Variants in RNF24 observed in about 807,000 individuals in gnomAD.
RNF24 encodes ring finger protein 24.
In RNF24, 14 loss-of-function variants were observed where a neutral mutation model predicts 20.0. The observed-to-expected ratio is 0.70, with a 90% CI of 0.46 to 1.10. The LOEUF (loss-of-function observed/expected upper bound fraction) is 1.10, where lower values mean the gene tolerates loss of function less well. RNF24 is among the 50% of genes least tolerant of loss of function. The probability of loss-of-function intolerance (pLI) is 0.00; values close to 1 mark genes in which losing one functional copy is unlikely to be tolerated. For synonymous variants in RNF24, 45 were observed against 61.1 expected (o/e 0.74, Z 1.23); for missense variants, 124 against 177.6 (o/e 0.70, Z 1.71).
At chr20:3,954,172 G>GCTA (rs1169716682) in intron 2 of RNF24, among the ~76,000 whole-genome samples, 1 of 152,120 alleles carries the variant, frequency 6.6e-6, no homozygotes, top group Non-Finnish European at 1.5e-5. Context: ...CCATCTACCA[G>GCTA]CTATCTCTAG....
chr20:3,949,651 T>G lies in RNF24; in HGVS notation c.144-1372A>C, dbSNP rs529672882. Among the ~76,000 whole-genome samples the G allele has an allele frequency of 1.9e-3, 285 of 152,242 alleles. 2 individuals are homozygous for G. Among genetic ancestry groups the G allele is most frequent in the African/African-American group, 6.6e-3 (273 of 41,544 alleles). On this transcript the variant is annotated intron_variant, in intron 2 of 5. Transcript: ENST00000358395. ...GTGAGCTGGGATTGTGCCACTGTAC[T>G]CCAGCCTGGGTGACGGAGTGAGATC...
intron 1 of RNF24, among the ~76,000 whole-genome samples, chr20:3,990,713 T>C (rs1054096435): frequency 1.3e-5 from 2 of 151,908 alleles, no homozygotes; most frequent in African/African-American, 4.8e-5. Flanking sequence ...CACACACATA[T>C]ATATATTTTT....
chr20:3,934,055 G>C lies in RNF24; in HGVS notation c.*8C>G, dbSNP rs771379368. On this transcript the variant is annotated 3_prime_UTR_variant, in exon 6 of 6. Transcript: ENST00000358395. This position sits in a 1 kb window ranked among gnomAD's most constrained non-coding sequence, Gnocchi z 4.0. ...CGTGTCCAGCAACAGTCTGATCCTTGCGGTAAGCTATACAATGTTCTCTGC... is the reference window on the plus strand; with the variant it reads ...CGTGTCCAGCAACAGTCTGATCCTTCCGGTAAGCTATACAATGTTCTCTGC... 1.4e-6 allele frequency: 2 copies of C among 1,455,138 alleles called. No homozygotes were observed. Among genetic ancestry groups the C allele is most frequent in the Non-Finnish European group, 1.8e-6 (2 of 1,101,846 alleles). The allele number at this position is 1,455,138 out of a possible 1,614,324, so 90.1% of individuals were successfully genotyped here. A position where few individuals can be genotyped will look rare whatever the true frequency, so the allele number is the denominator to read the frequency against.
intron 1 of RNF24, among the ~76,000 whole-genome samples, chr20:4,002,244 G>A (rs544119810): frequency 3.3e-5 from 5 of 152,192 alleles, no homozygotes; most frequent in East Asian, 3.9e-4. Context: ...AAATTAGCCC[G>A]GCGTGGTGGT....
intron 1 of RNF24, among the ~76,000 whole-genome samples, chr20:4,005,530 C>A (rs1981793235): frequency 6.6e-6 from 1 of 152,164 alleles, no homozygotes; most frequent in Non-Finnish European, 1.5e-5. Flanking sequence ...CCTTTGATTT[C>A]CCTTCCCACC....
intron 1 of RNF24, among the ~76,000 whole-genome samples, chr20:3,983,414 T>C (rs1014444128): frequency 2.0e-5 from 3 of 152,242 alleles, no homozygotes; most frequent in East Asian, 3.9e-4. Context: ...ATTTCTAGCA[T>C]TTAAAAAAGC....
chr20:3,973,784 A>C (rs1441915217), intron 1 of RNF24, among the ~76,000 whole-genome samples: 1 of 152,176 alleles, frequency 6.6e-6, no homozygotes, highest in Non-Finnish European at 1.5e-5. Context: ...CTCCAGGCCA[A>C]GAGGCTTTTA....
chr20:3,947,075 G>A (rs241639), intron 3 of RNF24, among the ~76,000 whole-genome samples: 47,346 of 151,834 alleles, frequency 0.31, 8,099 homozygotes, highest in African/African-American at 0.46. Flanking sequence ...GATGGCTGTC[G>A]TCCCAGCTAC....
At chr20:3,972,857 C>T (rs1372003237) in intron 1 of RNF24, among the ~76,000 whole-genome samples, 2 of 151,616 alleles carry the variant, frequency 1.3e-5, no homozygotes, top group East Asian at 3.9e-4. Flanking sequence ...GAGCCGAGAT[C>T]GCGCCACTGC....
chr20:3,990,055 A>G (rs1205244431), intron 1 of RNF24, among the ~76,000 whole-genome samples: 2 of 152,188 alleles, frequency 1.3e-5, no homozygotes, highest in East Asian at 1.9e-4. Context: ...TTCACAAATG[A>G]TATTGGGACA....
chr20:3,927,422 A>G lies in RNF24; in HGVS notation c.*6641T>C, dbSNP rs564243726. 2 of 152,352 alleles carry G rather than the reference A, an allele frequency of 1.3e-5. No homozygotes were observed. The highest frequency in any genetic ancestry group is 2.1e-4 in the South Asian group (1 of 4,828). 9.4% of individuals were successfully genotyped at this position (152,352 alleles called of 1,614,324 possible). A position where few individuals can be genotyped will look rare whatever the true frequency, so the allele number is the denominator to read the frequency against. ...ATTTTAAAATAGCAATTAAATATACAAAAATATAGCTTACAAAAAACTGCG... is the reference window on the plus strand; with the variant it reads ...ATTTTAAAATAGCAATTAAATATACGAAAATATAGCTTACAAAAAACTGCG... On this transcript the variant is annotated 3_prime_UTR_variant, in exon 6 of 6. Coordinates refer to ENST00000358395, the MANE Select transcript of RNF24 (RefSeq NM_001134337.3).
chr20:4,006,675 C>A (rs1981899391), intron 1 of RNF24, among the ~76,000 whole-genome samples: 1 of 152,222 alleles, frequency 6.6e-6, no homozygotes, highest in Admixed American at 6.5e-5. Flanking sequence ...TCACTTGTAA[C>A]ATTATCTAAA....
intron 1 of RNF24, among the ~76,000 whole-genome samples, chr20:3,987,178 G>A (rs1980005108): frequency 6.6e-6 from 1 of 152,114 alleles, no homozygotes; most frequent in Non-Finnish European, 1.5e-5. Flanking sequence ...ATATGGGTTA[G>A]GGGGAAACAA....
At chr20:3,938,081 C>T (rs1262487349) in intron 4 of RNF24, among the ~76,000 whole-genome samples, 1 of 152,158 alleles carries the variant, frequency 6.6e-6, no homozygotes, top group Non-Finnish European at 1.5e-5. Flanking sequence ...ACCAGCAGTA[C>T]GTATGGGTTG....
intron 1 of RNF24, among the ~76,000 whole-genome samples, chr20:3,972,876 G>A (rs1469422088): frequency 1.3e-5 from 2 of 150,646 alleles, no homozygotes; most frequent in Admixed American, 6.7e-5. Flanking sequence ...GCACTCCAAC[G>A]TGGGCGACAG....
At chr20:3,998,669 T>C (rs1463658774) in intron 1 of RNF24, among the ~76,000 whole-genome samples, 27 of 144,578 alleles carry the variant, frequency 1.9e-4, no homozygotes, top group Admixed American at 1.8e-3. Context: ...GGCAGGAGAA[T>C]TGCTTGAACC....
chr20:4,000,698 T>C (rs1981316507), intron 1 of RNF24, among the ~76,000 whole-genome samples: 1 of 152,180 alleles, frequency 6.6e-6, no homozygotes, highest in South Asian at 2.1e-4. Flanking sequence ...CTCATATTTA[T>C]AAAAAGAGGG....
chr20:4,007,798 C>T (rs1014181064), intron 1 of RNF24, among the ~76,000 whole-genome samples: 2 of 149,876 alleles, frequency 1.3e-5, no homozygotes, highest in Non-Finnish European at 1.5e-5. Flanking sequence ...TGCCTGTGGT[C>T]GCAGCTACTT....
At chr20:3,937,485 A>C (rs1041723324) in intron 4 of RNF24, among the ~76,000 whole-genome samples, 1 of 152,218 alleles carries the variant, frequency 6.6e-6, no homozygotes, top group Non-Finnish European at 1.5e-5. Context: ...GTAACAGTAC[A>C]ATTCAGCAGT....
Sources: allele counts gnomAD v4.1 joint callset (sites outside exome capture counted in the v4.1 genomes callset), GRCh38; gene constraint gnomAD v4.1.1; non-coding constraint Gnocchi (gnomAD v3.1); transcripts MANE v1.5; gene names NCBI Gene and HGNC (gene_info 2026-07-23, HGNC 2026-07-21).